Variants in WDR59 observed in about 807,000 individuals in gnomAD.
WDR59 encodes the protein GATOR2 complex protein WDR59.
A neutral mutation model predicts 131.2 loss-of-function variants in WDR59; 100 were observed. That is an observed-to-expected ratio of 0.76 (90% confidence interval 0.65 to 0.90). The LOEUF is 0.90. Ranked by LOEUF, WDR59 falls within the 40% of genes least tolerant of loss-of-function variation. WDR59 has a pLI of 0.00. For missense variants in WDR59, 1,203 were observed against 1,262.2 expected (o/e 0.95, Z 0.71); for synonymous variants, 601 against 466.2 (o/e 1.29, Z -3.72).
intron 1 of WDR59, among the ~76,000 whole-genome samples, chr16:74,977,425 G>A (rs957618265): frequency 2.0e-5 from 3 of 151,974 alleles, no homozygotes; most frequent in African/African-American, 4.8e-5. Context: ...GCGGTGGCTC[G>A]CGTCTGTAAT....
At chr16:74,907,313 A>G (rs1277130614) in intron 17 of WDR59, among the ~76,000 whole-genome samples, 1 of 152,090 alleles carries the variant, frequency 6.6e-6, no homozygotes, top group African/African-American at 2.4e-5. Flanking sequence ...AATCTCCACA[A>G]TCCCCACATG....
chr16:74,965,900 C>T lies in WDR59; in HGVS notation c.55-78G>A, dbSNP rs1043821685. ...AAGGCAGAGGTCTCTGTGGCTCTTC[C>T]TCTTCCTGTCTCCCAAGAAGTCCCC... On this transcript the variant is annotated intron_variant, in intron 1 of 25. Coordinates refer to ENST00000262144, the MANE Select transcript of WDR59 (RefSeq NM_030581.4). The T allele has an allele frequency of 1.3e-5, 19 of 1,509,842 alleles. No individual in the cohort carries two copies. In the African/African-American group the frequency reaches 1.8e-4, roughly 14 times the overall value. 93.5% of individuals were successfully genotyped at this position (1,509,842 alleles called of 1,614,324 possible).
In WDR59 at chr16:74,951,495, C is replaced by T. The variant is rs778352602; in HGVS notation, c.289G>A (p.Val97Ile). The change falls in exon 4 of 26, where the codon GTT (valine) becomes ATT (isoleucine). Residue 97 changes from valine (V) to isoleucine (I), a missense_variant. Val to Ile is a conservative substitution (Grantham distance 29, BLOSUM62 3). Transcript: ENST00000262144. ...LYKWKDGSGE[V>I]GTTLQGHTRV... ...GTGTGGCCTTGTAAGGTTGTGCCAA[C>T]TTCCCCACTGCCGTCTTTCCACTTG... The T allele has an allele frequency of 1.9e-6, 3 of 1,603,536 alleles. No homozygotes were observed. Among genetic ancestry groups the T allele is most frequent in the African/African-American group, 2.7e-5 (2 of 74,874 alleles).
rs1444189218 is a variant in WDR59, at chr16:74,909,856, A to G, written c.1451T>C (p.Leu484Pro). Residue 484 changes from leucine to proline, a missense_variant, in exon 15 of 26, where the codon CTG becomes CCG. By Grantham distance (98) the Leu-to-Pro change is moderately conservative (BLOSUM62 -3). Coordinates refer to ENST00000262144, the MANE Select transcript of WDR59 (RefSeq NM_030581.4). ...CTCAAGGCAGGAGACGAGCTGGCGC[A>G]GGCAGGGCTCCAGGCAGCTCTGGCC... ...KRGQSCLEPC[L>P]RQLVSCLESF... 3.1e-6 allele frequency: 5 copies of G among 1,612,752 alleles called. No individual in the cohort carries two copies.
chr16:74,981,415 G>C (rs189047073), intron 1 of WDR59, among the ~76,000 whole-genome samples: 1 of 148,550 alleles, frequency 6.7e-6, no homozygotes, highest in Non-Finnish European at 1.5e-5. Context: ...CAAAATTGTG[G>C]GGCTTGGTGG....
At chr16:74,964,638 T>G (rs2033692612) in intron 2 of WDR59, among the ~76,000 whole-genome samples, 1 of 152,152 alleles carries the variant, frequency 6.6e-6, no homozygotes, top group African/African-American at 2.4e-5. Flanking sequence ...AAAGAAAATA[T>G]TTTCACTGAT....
At chr16:74,909,767 G>T (rs950373727) in intron 15 of WDR59, 55 bp downstream of exon 15, 10 of 1,585,178 alleles carry the variant, frequency 6.3e-6, no homozygotes, top group Non-Finnish European at 8.6e-6. Flanking sequence ...TAGGGAGAAA[G>T]AAATGAAACA....
intron 10 of WDR59, among the ~76,000 whole-genome samples, chr16:74,920,039 A>G (rs953795152): frequency 6.7e-5 from 10 of 150,306 alleles, no homozygotes; most frequent in Non-Finnish European, 3.0e-5. Context: ...CCTGCACGCT[A>G]GCCTGGGTGA....
chr16:74,891,184 T>G (rs7203654), intron 20 of WDR59, among the ~76,000 whole-genome samples: 1 of 151,464 alleles, frequency 6.6e-6, no homozygotes, highest in African/African-American at 2.4e-5. Flanking sequence ...CAGCATTGTA[T>G]GCCCATTAAC....
intron 6 of WDR59, among the ~76,000 whole-genome samples, chr16:74,945,828 T>C (rs1455054055): frequency 1.3e-5 from 2 of 151,388 alleles, no homozygotes; most frequent in African/African-American, 4.9e-5. Flanking sequence ...TTTTTTTTTT[T>C]TTTTTTTGAG....
chr16:74,936,181 C>T (rs1362132211), intron 8 of WDR59, among the ~76,000 whole-genome samples: 1 of 152,092 alleles, frequency 6.6e-6, no homozygotes, highest in African/African-American at 2.4e-5. Context: ...CATGCCCGAC[C>T]ACCCTTGGTA....
chr16:74,909,966 T>TA, intron 14 of WDR59, 49 bp from the exon 15 acceptor site: 1 of 1,237,468 alleles, frequency 8.1e-7, no homozygotes, highest in Non-Finnish European at 1.1e-6. Context: ...ATTTCTCTGA[T>TA]AGGTTTTTTT....
At chr16:74,878,221 T>C (rs1964311888) in intron 25 of WDR59, among the ~76,000 whole-genome samples, 1 of 152,278 alleles carries the variant, frequency 6.6e-6, no homozygotes, top group Non-Finnish European at 1.5e-5. Flanking sequence ...TGGGGAACTG[T>C]ATTCAAGTAC....
chr16:74,897,443 C>A (rs980938550), intron 18 of WDR59, among the ~76,000 whole-genome samples: 4 of 152,188 alleles, frequency 2.6e-5, no homozygotes, highest in Admixed American at 1.3e-4. Flanking sequence ...AACAAACCTA[C>A]GTGACCCATC....
At chr16:74,894,560 C>T (rs908938292) in intron 18 of WDR59, among the ~76,000 whole-genome samples, 3 of 152,010 alleles carry the variant, frequency 2.0e-5, no homozygotes, top group Non-Finnish European at 4.4e-5. Flanking sequence ...TTTAAAATGA[C>T]AAACCAAGGA....
In WDR59 at chr16:74,909,762, A is replaced by G. The variant is rs570197814; in HGVS notation, c.1485+60T>C. On this transcript the variant is annotated intron_variant, in intron 15 of 25. Transcript: ENST00000262144. ...AACCAGAAAACCCATGATTTTAGGGAGAAAGAAATGAAACAAAACACCAAA... is the reference window on the plus strand; with the variant it reads ...AACCAGAAAACCCATGATTTTAGGGGGAAAGAAATGAAACAAAACACCAAA... 80 of 1,583,836 alleles carry G rather than the reference A, an allele frequency of 5.1e-5. 3 individuals carry two copies. In the South Asian group the frequency reaches 8.5e-4, roughly 17 times the overall value.
intron 24 of WDR59, 183 bp downstream of exon 24, chr16:74,886,087 A>G: frequency 1.3e-6 from 1 of 781,096 alleles, no homozygotes; most frequent in Non-Finnish European, 1.9e-6. Context: ...CTGAGGCAGG[A>G]GAATCACTTG....
rs1214335993 is a variant in WDR59 at position 74,873,245 on chromosome 16, T to G, written c.*964A>C. ...ATTTTTTGCAGAGATGGGATCTCCT[T>G]ATGTTGCCCAGGCTGGTCTCGAACT... On this transcript the variant is annotated 3_prime_UTR_variant, in exon 26 of 26. Transcript: ENST00000262144. 6.6e-6 allele frequency: 1 copy of G among 152,050 alleles called. No individual in the cohort carries two copies. The highest frequency in any genetic ancestry group is 1.5e-5 in the Non-Finnish European group (1 of 68,064). The allele number at this position is 152,050 out of a possible 1,614,324, so 9.4% of individuals were successfully genotyped here. A position where few individuals can be genotyped will look rare whatever the true frequency, so the allele number is the denominator to read the frequency against.
Position 74,893,670 on chromosome 16 carries a change from T to C in WDR59, c.2000+9A>G. The C allele has an allele frequency of 6.2e-7, 1 of 1,613,082 alleles. No homozygotes were observed. The highest frequency in any genetic ancestry group is 8.5e-7 in the Non-Finnish European group (1 of 1,179,286). ...GATGAGTGCAGCAGACTTGAAATTT[T>C]GTACTTACATGTACAGCTCTCCCAG... On this transcript the variant is annotated intron_variant, in intron 19 of 25. Transcript: ENST00000262144.
Sources: gnomAD v4.1 joint callset for allele counts (sites outside exome capture counted in the v4.1 genomes callset) on GRCh38, gnomAD v4.1.1 for gene constraint, MANE v1.5 for transcripts, NCBI Gene and HGNC (gene_info 2026-07-23, HGNC 2026-07-21) for gene names.